The following VPS13D variants were observed in gnomAD, a reference collection of about 807,000 sequenced individuals.
The protein encoded by VPS13D is vacuolar protein sorting 13 homolog D, also known as intermembrane lipid transfer protein VPS13D.
Under a neutral mutation model 461.9 loss-of-function variants are expected in VPS13D, and 187 were observed. The observed-to-expected ratio is 0.40, with a 90% CI of 0.36 to 0.46. VPS13D has a LOEUF of 0.46. Ranked by LOEUF, VPS13D falls within the 20% of genes least tolerant of loss-of-function variation. The probability of loss-of-function intolerance (pLI) is 0.60; values close to 1 mark genes in which losing one functional copy is unlikely to be tolerated. For missense variants in VPS13D, 4,711 were observed against 5,364.9 expected, an observed-to-expected ratio of 0.88 and a Z score of 3.81; for synonymous variants, 1,951 against 1,986.3, an observed-to-expected ratio of 0.98 and a Z score of 0.47.
At chr1:12,475,909 CAAAA>C (rs1436840122) in intron 67 of VPS13D, among the ~76,000 whole-genome samples, 3 of 150,340 alleles carry the variant, frequency 2.0e-5, no homozygotes, top group Admixed American at 6.6e-5. Context: ...AAACAAAAAA[CAAAA>C]AAACACCTTG....
intron 63 of VPS13D, among the ~76,000 whole-genome samples, chr1:12,411,627 A>C (rs1268134000): frequency 6.6e-6 from 1 of 152,232 alleles, no homozygotes; most frequent in Admixed American, 6.5e-5. Flanking sequence ...GCCAAATTGC[A>C]GTGGTTTAAA....
At chr1:12,365,947 A>G (rs1343492243) in intron 52 of VPS13D, among the ~76,000 whole-genome samples, 1 of 152,154 alleles carries the variant, frequency 6.6e-6, no homozygotes, top group Middle Eastern at 3.2e-3. Flanking sequence ...TCTATTGCCC[A>G]GGCTTGAGTG....
At chr1:12,249,098 G>A (rs1640650435) in intron 5 of VPS13D, 125 bp from the exon 6 acceptor site, 2 of 682,332 alleles carry the variant, frequency 2.9e-6, no homozygotes, top group Middle Eastern at 4.1e-4. Flanking sequence ...GTGGCTCAAG[G>A]GCAGTTTGAC....
At chr1:12,487,597 C>G (rs1310159430) in intron 67 of VPS13D, among the ~76,000 whole-genome samples, 1 of 148,002 alleles carries the variant, frequency 6.8e-6, no homozygotes, top group Admixed American at 6.8e-5. Flanking sequence ...GGCGACAGAG[C>G]GAGATTCCAT....
chr1:12,412,610 T>C (rs964671302), intron 63 of VPS13D, among the ~76,000 whole-genome samples: 2 of 152,158 alleles, frequency 1.3e-5, no homozygotes, highest in African/African-American at 4.8e-5. Flanking sequence ...AAAATGAATC[T>C]TGGCCACTCC....
At chr1:12,384,832 GCTGGT>G (rs1644329961) in intron 58 of VPS13D, among the ~76,000 whole-genome samples, 1 of 152,078 alleles carries the variant, frequency 6.6e-6, no homozygotes, top group Non-Finnish European at 1.5e-5. Context: ...TGTTCCCCAG[GCTGGT>G]CTTGAACTTC....
intron 6 of VPS13D, among the ~76,000 whole-genome samples, chr1:12,253,117 CGTT>C (rs1307627120): frequency 6.7e-6 from 1 of 149,716 alleles, no homozygotes; most frequent in East Asian, 2.0e-4. Flanking sequence ...GAGATCGTGC[CGTT>C]GTACTCCAGC....
At chr1:12,297,112 A>G (rs1569840906) in intron 24 of VPS13D, among the ~76,000 whole-genome samples, 5 of 152,296 alleles carry the variant, frequency 3.3e-5, no homozygotes, top group Admixed American at 3.3e-4. Flanking sequence ...TTATTTGTCG[A>G]TAAGATTAAG....
intron 39 of VPS13D, chr1:12,336,666 T>C (rs897867941): frequency 6.6e-6 from 1 of 152,240 alleles, no homozygotes; most frequent in Non-Finnish European, 1.5e-5. Context: ...TCAGGGTGAA[T>C]AAGTGGACTT....
In VPS13D at chr1:12,299,478, C is replaced by T; in HGVS notation, c.6216+94C>T. On this transcript the variant is annotated intron_variant, in intron 25 of 69. Transcript: ENST00000620676. The surrounding 1 kb of genome is among the most constrained non-coding windows in gnomAD (Gnocchi z 4.2). ...GCTGCTGTAAGATGATCCATAATTG[C>T]TATTACTTTTGTAGGGTATGTGGCT... The T allele has an allele frequency of 7.1e-7, 1 of 1,404,766 alleles. No homozygotes were observed. Among genetic ancestry groups the T allele is most frequent in the South Asian group, 1.5e-5 (1 of 65,554 alleles). 87.0% of individuals were successfully genotyped at this position (1,404,766 alleles called of 1,614,324 possible). A position where few individuals can be genotyped will look rare whatever the true frequency, so the allele number is the denominator to read the frequency against.
chr1:12,333,316 A>G lies in VPS13D; in HGVS notation c.8378A>G (p.Glu2793Gly). Residue 2793 changes from glutamate to glycine, a missense_variant, in exon 38 of 70, where the codon GAA (glutamate) becomes GGA (glycine). Glu to Gly is a moderately conservative substitution (Grantham distance 98, BLOSUM62 -2). Around this residue, in one of 3 missense-constraint regions of VPS13D, gnomAD observed 4,411 missense variants for 4,937.8 expected, o/e 0.89. Transcript: ENST00000620676. The stretch of plus-strand genomic sequence containing the variant: ...CTCCATCCTCCTCGACTGAAGCTAG[A>G]AGCCAAGGCCAAACCTCGTTTGGAT... ...SRLHPPRLKLEAKAKPRLDIN... is the reference protein window; with the variant it reads ...SRLHPPRLKLGAKAKPRLDIN... 1 of 1,614,184 alleles carries G rather than the reference A, an allele frequency of 6.2e-7. No individual in the cohort carries two copies.
Position 12,502,788 on chromosome 1 carries a change from G to T in VPS13D, c.12795-4065G>T, listed in dbSNP as rs939218443. ...TCTCTCTCCAATCTGCTGATGAGAG[G>T]ATGTGTGGGGAAAGGAGGGGTCATC... On this transcript the variant is annotated intron_variant, in intron 68 of 69. Coordinates refer to ENST00000620676, the MANE Select transcript of VPS13D (RefSeq NM_015378.4). The surrounding 1 kb of genome is among the most constrained non-coding windows in gnomAD (Gnocchi z 4.3). 6.6e-6 allele frequency among the ~76,000 whole-genome samples: 1 copy of T among 152,116 alleles called. No individual in the cohort carries two copies. Among genetic ancestry groups the T allele is most frequent in the African/African-American group, 2.4e-5 (1 of 41,410 alleles).
At chr1:12,362,429 C>G (rs1459448355) in intron 50 of VPS13D, among the ~76,000 whole-genome samples, 1 of 152,148 alleles carries the variant, frequency 6.6e-6, no homozygotes, top group African/African-American at 2.4e-5. Flanking sequence ...GACTGGACAC[C>G]TGTGTATTTT....
chr1:12,453,740 G>C (rs916149079), intron 65 of VPS13D: 1 of 152,136 alleles, frequency 6.6e-6, no homozygotes, highest in Non-Finnish European at 1.5e-5. Flanking sequence ...TTGAGGGCAG[G>C]GTTCAAGGCT....
At chr1:12,292,975 A>G (rs141994735) in intron 23 of VPS13D, among the ~76,000 whole-genome samples, 2 of 152,318 alleles carry the variant, frequency 1.3e-5, no homozygotes, top group African/African-American at 4.8e-5. Context: ...GTCCTATTTA[A>G]TAATATTTTT....
chr1:12,256,931 T>G, intron 8 of VPS13D, 56 bp from the exon 9 acceptor site: 1 of 1,575,950 alleles, frequency 6.3e-7, no homozygotes. Context: ...AGGTCTTAAC[T>G]GAGTAAAAGA....
At chr1:12,373,376 C>T (rs1570033684) in intron 54 of VPS13D, among the ~76,000 whole-genome samples, 1 of 151,864 alleles carries the variant, frequency 6.6e-6, no homozygotes, top group Non-Finnish European at 1.5e-5. Flanking sequence ...CTGCCTTGGC[C>T]TCCCAAAGTG....
rs556481738 is a variant in VPS13D, at chr1:12,338,467, G to A, written c.8626+162G>A. Among the ~76,000 whole-genome samples the A allele has an allele frequency of 1.6e-3, 243 of 152,236 alleles. 2 individuals carry two copies. Among genetic ancestry groups the A allele is most frequent in the Non-Finnish European group, 2.5e-3 (171 of 68,010 alleles). ...ATTTCCAACTGATGAACAGAGTGGT[G>A]CATATTATCAGCTGATTCTTATATT... On this transcript the variant is annotated intron_variant, in intron 40 of 69. Transcript: ENST00000620676.
chr1:12,478,739 C>T (rs1180952747), intron 67 of VPS13D: 1 of 453,414 alleles, frequency 2.2e-6, no homozygotes, highest in Non-Finnish European at 4.5e-6. Context: ...GCCTCCCTCC[C>T]CCCGGCCAGA....
Sources: gnomAD v4.1 joint callset for allele counts (sites outside exome capture counted in the v4.1 genomes callset) on GRCh38, gnomAD v4.1.1 for gene constraint, gnomAD v4.1.1 regional missense constraint, Gnocchi (gnomAD v3.1) non-coding constraint, MANE v1.5 for transcripts, NCBI Gene and HGNC (gene_info 2026-07-23, HGNC 2026-07-21) for gene names.